Variants in ZNF385D observed in about 807,000 individuals in gnomAD.
ZNF385D encodes zinc finger protein 385D.
ZNF385D carries 15 observed loss-of-function variants against 35.8 expected under a neutral mutation model. The observed-to-expected ratio is 0.42, with a 90% CI of 0.28 to 0.64. The LOEUF is 0.64. Ranked by LOEUF, ZNF385D falls within the 30% of genes least tolerant of loss-of-function variation. The probability of loss-of-function intolerance (pLI) is 0.23; values close to 1 mark genes in which losing one functional copy is unlikely to be tolerated. For synonymous variants in ZNF385D, 212 were observed against 186.8 expected (o/e 1.13, Z -1.10); for missense variants, 474 against 494.6 (o/e 0.96, Z 0.39).
chr3:21,948,044 G>A (rs946167699), intron 3 of ZNF385D, among the ~76,000 whole-genome samples: 6 of 151,980 alleles, frequency 3.9e-5, no homozygotes, highest in African/African-American at 1.4e-4. Flanking sequence ...ATAAATTTAT[G>A]TCTGATTCTG....
At chr3:22,372,402 C>A (rs4858033) in intron 2 of ZNF385D, 665,400 of 976,872 alleles carry the variant, frequency 0.68, 227,977 homozygotes, top group South Asian at 0.74. Context: ...GGCGCCCCAA[C>A]GAACTCCGCC....
At chr3:22,077,646 T>C (rs1700531008) in intron 3 of ZNF385D, among the ~76,000 whole-genome samples, 1 of 151,994 alleles carries the variant, frequency 6.6e-6, no homozygotes, top group African/African-American at 2.4e-5. Flanking sequence ...TTGGCACATA[T>C]TTGCTATTGT....
Position 21,601,778 on chromosome 3 carries a change from G to GC in ZNF385D, c.166-37095dup, listed in dbSNP as rs769140751. Among the ~76,000 whole-genome samples, 6 of 152,124 alleles carry GC rather than the reference G, an allele frequency of 3.9e-5. No homozygotes were observed. In the East Asian group the frequency reaches 1.2e-3, roughly 29 times the overall value. On this transcript the variant is annotated intron_variant, in intron 2 of 7. Coordinates refer to ENST00000281523, the MANE Select transcript of ZNF385D (RefSeq NM_024697.3). ...CCTTTGAGATGATTTTAGCAGTCCC[G>GC]CCCCCTGGAAGCTTGAGCTGATCAG...
intron 3 of ZNF385D, among the ~76,000 whole-genome samples, chr3:22,095,158 C>T (rs1701548020): frequency 7.2e-6 from 1 of 138,122 alleles, no homozygotes; most frequent in Admixed American, 7.7e-5. Flanking sequence ...AACTCTAAAA[C>T]TCCTGGCCTC....
intron 4 of ZNF385D, among the ~76,000 whole-genome samples, chr3:21,438,972 A>G (rs1559448270): frequency 1.3e-5 from 2 of 152,210 alleles, no homozygotes; most frequent in East Asian, 3.9e-4. Context: ...ATAAAACATG[A>G]CAACTTTAAG....
In ZNF385D at chr3:21,712,933, C is replaced by T. The variant is rs1273281825; in HGVS notation, c.22+37962G>A. ...TAATGCTTTCAGTCTCAACCCATCA[C>T]ACACACAAATACACATGCACAAACA... is the stretch of plus-strand genomic sequence containing the variant. On this transcript the variant is annotated intron_variant, in intron 1 of 7. Transcript: ENST00000281523. 2.0e-5 allele frequency among the ~76,000 whole-genome samples: 3 copies of T among 152,310 alleles called. No individual in the cohort carries two copies. The East Asian group carries it at 5.8e-4, about 29-fold the overall frequency.
At chr3:22,361,017 C>T (rs1189700442) in intron 2 of ZNF385D, among the ~76,000 whole-genome samples, 2 of 151,970 alleles carry the variant, frequency 1.3e-5, no homozygotes, top group Non-Finnish European at 2.9e-5. Context: ...TAAAATATCC[C>T]ATTTCATTTA....
At chr3:22,204,767 A>G (rs1261289231) in intron 2 of ZNF385D, among the ~76,000 whole-genome samples, 3 of 151,840 alleles carry the variant, frequency 2.0e-5, no homozygotes, top group African/African-American at 7.2e-5. Flanking sequence ...GATCATACAA[A>G]AGAGAGAATT....
At chr3:22,189,580 G>T (rs1430716962) in intron 2 of ZNF385D, among the ~76,000 whole-genome samples, 1 of 152,158 alleles carries the variant, frequency 6.6e-6, no homozygotes, top group Non-Finnish European at 1.5e-5. Context: ...ATATTATTGA[G>T]CAAATTTGGA....
chr3:22,337,143 GAAGTA>G lies in ZNF385D; in HGVS notation c.106+35302_106+35306del, dbSNP rs796731432. On this transcript the variant is annotated intron_variant, in intron 2 of 5. Transcript: ENST00000494108. ...GTTTTATGAATTACTTCAACATTTA[GAAGTA>G]AAGCTTAACTTTTTCCATGAGATTT... is the stretch of plus-strand genomic sequence containing the variant. 3.6e-4 allele frequency among the ~76,000 whole-genome samples: 54 copies of G among 151,968 alleles called. 1 individual carries two copies. Among genetic ancestry groups the G allele is most frequent in the African/African-American group, 1.3e-3 (52 of 41,430 alleles).
rs938419244 is a variant in ZNF385D at position 21,478,778 on chromosome 3, C to T, written c.439+32083G>A. 2.4e-4 allele frequency among the ~76,000 whole-genome samples: 37 copies of T among 152,076 alleles called. No individual in the cohort carries two copies. In the South Asian group the frequency reaches 3.3e-3, roughly 14 times the overall value. ...CTCTTTTATTCAAGTTTATGACTATCTTCCATAAAAAACACCATCCCCAGT... is the reference window on the plus strand; with the variant it reads ...CTCTTTTATTCAAGTTTATGACTATTTTCCATAAAAAACACCATCCCCAGT... On this transcript the variant is annotated intron_variant, in intron 4 of 7. Transcript: ENST00000281523.
intron 3 of ZNF385D, among the ~76,000 whole-genome samples, chr3:21,990,187 A>C (rs1296058832): frequency 6.6e-6 from 1 of 152,226 alleles, no homozygotes; most frequent in Non-Finnish European, 1.5e-5. Context: ...GAAAAGAAGA[A>C]TCTCTAAGCT....
chr3:21,536,370 A>G (rs554627430), intron 3 of ZNF385D, among the ~76,000 whole-genome samples: 109 of 152,208 alleles, frequency 7.2e-4, no homozygotes, highest in Middle Eastern at 6.8e-3. Context: ...ACCAAGAATG[A>G]ATTGGGGCAA....
intron 3 of ZNF385D, among the ~76,000 whole-genome samples, chr3:21,909,445 T>G (rs141553982): frequency 1.3e-3 from 194 of 152,222 alleles, no homozygotes; most frequent in African/African-American, 4.3e-3. Context: ...AAGCCTGTTC[T>G]CTCAGCTTAT....
At chr3:22,172,610 G>C (rs942196385) in intron 2 of ZNF385D, among the ~76,000 whole-genome samples, 9 of 152,038 alleles carry the variant, frequency 5.9e-5, no homozygotes, top group African/African-American at 2.2e-4. Context: ...GTCTCTGCTG[G>C]ACCCTACAAT....
chr3:22,212,616 T>C (rs369377369), intron 2 of ZNF385D, among the ~76,000 whole-genome samples: 2 of 151,972 alleles, frequency 1.3e-5, no homozygotes, highest in South Asian at 4.1e-4. Flanking sequence ...GTGGCTATTT[T>C]AAATAAGTCA....
At chr3:22,085,574 G>A (rs935200916) in intron 3 of ZNF385D, among the ~76,000 whole-genome samples, 2 of 151,726 alleles carry the variant, frequency 1.3e-5, no homozygotes, top group Admixed American at 1.3e-4. Context: ...TGAAATTGAG[G>A]CAATAATTAA....
intron 3 of ZNF385D, among the ~76,000 whole-genome samples, chr3:21,773,048 G>C (rs914892020): frequency 6.6e-6 from 1 of 151,784 alleles, no homozygotes; most frequent in East Asian, 1.9e-4. Flanking sequence ...CTGGAGATGG[G>C]GGAGAGAAAA....
chr3:22,261,805 G>C (rs1700647726), intron 2 of ZNF385D, among the ~76,000 whole-genome samples: 1 of 151,926 alleles, frequency 6.6e-6, no homozygotes, highest in Admixed American at 6.6e-5. Flanking sequence ...GTCTCTCTCT[G>C]AGTTTCTGAA....
Sources: allele counts gnomAD v4.1 joint callset (sites outside exome capture counted in the v4.1 genomes callset), GRCh38; gene constraint gnomAD v4.1.1; transcripts MANE v1.5; gene names NCBI Gene and HGNC (gene_info 2026-07-23, HGNC 2026-07-21).